The following ZNF320 variants were observed in gnomAD, a reference collection of about 807,000 sequenced individuals.
The protein encoded by ZNF320 is zinc finger protein 320.
ZNF320 carries 2 observed loss-of-function variants against 6.8 expected under a neutral mutation model. That is an observed-to-expected ratio of 0.29 (90% CI 0.12 to 0.93). The LOEUF (loss-of-function observed/expected upper bound fraction) is 0.93. Among genes scored for constraint, ZNF320 ranks in the 40% least tolerant of loss-of-function variants. The probability of loss-of-function intolerance (pLI) is 0.55; values close to 1 mark genes in which losing one functional copy is unlikely to be tolerated. For missense variants in ZNF320, 472 were observed against 611.0 expected (o/e 0.77, Z 2.40); for synonymous variants, 208 against 203.2 (o/e 1.02, Z -0.20).
downstream of ZNF320, among the ~76,000 whole-genome samples, chr19:52,873,159 CAA>C (rs1192556276): frequency 6.6e-6 from 1 of 152,062 alleles, no homozygotes; most frequent in Non-Finnish European, 1.5e-5. Flanking sequence ...ATCTCAACTG[CAA>C]AGAGGCCTTT....
exon 6 of ZNF320, among the ~76,000 whole-genome samples, chr19:52,863,126 A>C (rs2063495627): frequency 6.6e-6 from 1 of 152,132 alleles, no homozygotes; most frequent in African/African-American, 2.4e-5. Flanking sequence ...TGCCTGGCTA[A>C]GTTTTGTATT....
At chr19:52,865,041 G>T (rs2063518893) in intron 5 of ZNF320, among the ~76,000 whole-genome samples, 1 of 151,880 alleles carries the variant, frequency 6.6e-6, no homozygotes, top group Non-Finnish European at 1.5e-5. Context: ...TTTTAAAAAG[G>T]TGGGGCACAG....
Position 52,881,203 on chromosome 19 carries a change from T to C in ZNF320, c.923A>G (p.Lys308Arg), listed in dbSNP as rs775464790. ...EKPYKCNECGKVFKQRATLAG... is the reference protein window; with the variant it reads ...EKPYKCNECGRVFKQRATLAG... ...AAGAGTTGCTCGTTGCTTAAAAACC[T>C]TGCCACATTCATTACACTTATAGGG... is the stretch of plus-strand genomic sequence containing the variant. Residue 308 changes from lysine to arginine, a missense_variant, in exon 6 of 6, where the codon AAG becomes AGG. Around this residue, in one of 2 missense-constraint regions of ZNF320, gnomAD observed 462 missense variants for 559.7 expected, o/e 0.83. Coordinates refer to ENST00000682928, the MANE Select transcript of ZNF320 (RefSeq NM_001351774.2). The C allele has an allele frequency of 3.1e-6, 5 of 1,614,074 alleles. No homozygotes were observed. The highest frequency in any genetic ancestry group is 3.3e-5 in the Admixed American group (2 of 60,004).
At chr19:52,892,882 C>T (rs1025942916) in intron 2 of ZNF320, among the ~76,000 whole-genome samples, 11 of 151,290 alleles carry the variant, frequency 7.3e-5, no homozygotes, top group Non-Finnish European at 1.5e-4. Flanking sequence ...CTCCTCCTCT[C>T]CCTCACTCTG....
intron 5 of ZNF320, 43 bp from the exon 6 acceptor site, chr19:52,882,026 T>C (rs1169972051): frequency 4.5e-6 from 7 of 1,553,828 alleles, no homozygotes; most frequent in African/African-American, 1.4e-5. Flanking sequence ...TAAGTACAGA[T>C]GGTATAAAAC....
Position 52,863,000 on chromosome 19 carries a change from G to C in ZNF320, c.*1029C>G, listed in dbSNP as rs145910977. On this transcript the variant is annotated 3_prime_UTR_variant, in exon 6 of 6. Transcript: ENST00000673631. Reference sequence around the variant, plus strand: ...TGAGCTGAGATCGCACTGCTGAAAAGACACAAACAAGTTGAAAGCCACTGT... The same window carrying C: ...TGAGCTGAGATCGCACTGCTGAAAACACACAAACAAGTTGAAAGCCACTGT... 309 of 168,974 alleles carry C rather than the reference G, an allele frequency of 1.8e-3. 1 individual carries two copies. The highest frequency in any genetic ancestry group is 3.2e-3 in the Non-Finnish European group (248 of 78,498). The allele number at this position is 168,974 out of a possible 1,614,324, so 10.5% of individuals were successfully genotyped here.
the ZNF320 span, among the ~76,000 whole-genome samples, chr19:52,903,228 G>A: frequency 2.0e-5 from 3 of 152,160 alleles, no homozygotes; most frequent in South Asian, 2.1e-4. Context: ...TACATGCTAC[G>A]CTGTTAACTT....
chr19:52,869,544 T>TC (rs2063641636), intron 5 of ZNF320, among the ~76,000 whole-genome samples: 1 of 152,046 alleles, frequency 6.6e-6, no homozygotes, highest in Non-Finnish European at 1.5e-5. Context: ...ACAGGTTTTT[T>TC]TTCTTTTTTT....
rs1279983439 is a variant in ZNF320 at position 52,879,820 on chromosome 19, A to T, written c.*776T>A. 1 of 152,206 alleles carries T rather than the reference A, an allele frequency of 6.6e-6. No homozygotes were observed. Among genetic ancestry groups the T allele is most frequent in the African/African-American group, 2.4e-5 (1 of 41,452 alleles). The allele number at this position is 152,206 out of a possible 1,614,324, so 9.4% of individuals were successfully genotyped here. On this transcript the variant is annotated 3_prime_UTR_variant, in exon 6 of 6. Coordinates refer to ENST00000682928, the MANE Select transcript of ZNF320 (RefSeq NM_001351774.2). The stretch of plus-strand genomic sequence containing the variant: ...CAATAAACAATTTAAAAAGAAAATT[A>T]AAAAAACACTTTCATTTGCTAAAGA...
intron 2 of ZNF320, chr19:52,893,552 C>A (rs2147889654): frequency 6.6e-6 from 1 of 152,104 alleles, no homozygotes; most frequent in South Asian, 2.1e-4. Flanking sequence ...GAGACTGAGG[C>A]AAAAGAATCA....
chr19:52,865,638 CATAT>C lies in ZNF320; in HGVS notation c.224-1483_224-1480del, dbSNP rs1343160197. Among the ~76,000 whole-genome samples the C allele has an allele frequency of 1.0e-3, 132 of 126,946 alleles. 3 individuals are homozygous for C. Among genetic ancestry groups the C allele is most frequent in the Middle Eastern group, 4.3e-3 (1 of 232 alleles). 83.3% of individuals were successfully genotyped at this position (126,946 alleles called of 152,430 possible). ...ACATATATATTTATATATGATTATA[CATAT>C]ATATTTATATATGATTATACATATA... On this transcript the variant is annotated intron_variant, in intron 5 of 5. Coordinates refer to the ZNF320 transcript ENST00000673631.
chr19:52,866,017 T>G (rs1206782573), intron 5 of ZNF320, among the ~76,000 whole-genome samples: 3 of 106,878 alleles, frequency 2.8e-5, no homozygotes, highest in Admixed American at 1.0e-4. Flanking sequence ...ATTTATATAT[T>G]ATACATATTT....
intron 2 of ZNF320, chr19:52,893,264 C>A (rs989031966): frequency 3.3e-5 from 5 of 151,768 alleles, no homozygotes. Context: ...CTCCCCAATG[C>A]GGGCCTGGGC....
intron 2 of ZNF320, among the ~76,000 whole-genome samples, chr19:52,892,524 G>A (rs547287713): frequency 2.0e-5 from 3 of 152,180 alleles, no homozygotes; most frequent in Non-Finnish European, 4.4e-5. Flanking sequence ...GTCAAGGCAG[G>A]TGGATCACCT....
exon 6 of ZNF320, among the ~76,000 whole-genome samples, chr19:52,863,047 C>CCTCAAGCGATT (rs1314307893): frequency 1.2e-4 from 19 of 152,040 alleles, no homozygotes; most frequent in Admixed American, 1.3e-4. Flanking sequence ...TTGCAAACTG[C>CCTCAAGCGATT]CTCCTGGGCT....
downstream of ZNF320, among the ~76,000 whole-genome samples, chr19:52,871,317 C>G (rs2063677189): frequency 6.6e-6 from 1 of 151,948 alleles, no homozygotes. Context: ...GATATTTTCT[C>G]CCACTCTCTC....
chr19:52,876,496 T>C lies in ZNF320; in HGVS notation c.*4100A>G, dbSNP rs952722379. ...AAAGCTTTCATGAGAAGCAGTTTTT[T>C]ATATTACTTTAATTTTATTTTAGAG... On this transcript the variant is annotated 3_prime_UTR_variant, in exon 6 of 6. Transcript: ENST00000682928. The C allele has an allele frequency of 6.6e-6, 1 of 152,088 alleles. No individual in the cohort carries two copies. Among genetic ancestry groups the C allele is most frequent in the African/African-American group, 2.4e-5 (1 of 41,414 alleles). The allele number at this position is 152,088 out of a possible 1,614,324, so 9.4% of individuals were successfully genotyped here.
At chr19:52,868,537 A>G (rs973952042) in intron 5 of ZNF320, among the ~76,000 whole-genome samples, 1 of 151,952 alleles carries the variant, frequency 6.6e-6, no homozygotes, top group African/African-American at 2.4e-5. Context: ...GCAAATTAAC[A>G]TTATTTCTCA....
downstream of ZNF320, chr19:52,873,974 T>G: frequency 2.3e-6 from 1 of 439,918 alleles, no homozygotes; most frequent in South Asian, 1.8e-5. Context: ...AAGAATCCAA[T>G]GAGAAATATC....
Sources: allele counts gnomAD v4.1 joint callset (sites outside exome capture counted in the v4.1 genomes callset), GRCh38; gene constraint gnomAD v4.1.1; regional missense constraint gnomAD v4.1.1; transcripts MANE v1.5; gene names NCBI Gene and HGNC (gene_info 2026-07-23, HGNC 2026-07-21).